Variants in NUP210L observed in about 807,000 individuals in gnomAD.
NUP210L encodes nucleoporin 210 like, also known as nuclear pore membrane glycoprotein 210-like.
A neutral mutation model predicts 208.5 loss-of-function variants in NUP210L; 74 were observed. The observed-to-expected ratio is 0.35, with a 90% CI of 0.29 to 0.43. The LOEUF (loss-of-function observed/expected upper bound fraction) is 0.43, where lower values mean the gene tolerates loss of function less well. Among genes scored for constraint, NUP210L ranks in the 20% least tolerant of loss-of-function variants. NUP210L has a pLI of 1.00. For missense variants in NUP210L, 1,843 were observed against 2,289.4 expected (o/e 0.81, Z 3.98); for synonymous variants, 780 against 816.9 (o/e 0.95, Z 0.77).
At chr1:154,134,985 G>T (rs575164610) in intron 7 of NUP210L, among the ~76,000 whole-genome samples, 6 of 152,022 alleles carry the variant, frequency 3.9e-5, no homozygotes, top group African/African-American at 1.2e-4. Flanking sequence ...TGATCAGCCG[G>T]CCTCGGCCTC....
At chr1:154,103,401 G>T (rs1361988180) in intron 13 of NUP210L, among the ~76,000 whole-genome samples, 3 of 128,142 alleles carry the variant, frequency 2.3e-5, no homozygotes, top group African/African-American at 6.0e-5. Flanking sequence ...GGCCGGGCGC[G>T]GTGGCTCACG....
chr1:154,090,724 T>C (rs1274311025), intron 15 of NUP210L, among the ~76,000 whole-genome samples: 3 of 151,408 alleles, frequency 2.0e-5, no homozygotes, highest in African/African-American at 7.3e-5. Flanking sequence ...GGCAAGAGAA[T>C]CACTTGAACC....
chr1:154,089,525 C>A (rs777495365), exon 16 of NUP210L: 3 of 1,614,138 alleles, frequency 1.9e-6, no homozygotes, highest in Non-Finnish European at 1.7e-6. Flanking sequence ...ATGAAGCGAA[C>A]CTGCAAAACC....
intron 33 of NUP210L, among the ~76,000 whole-genome samples, chr1:154,014,616 CATGT>C (rs1359075283): frequency 6.6e-6 from 1 of 152,110 alleles, no homozygotes; most frequent in African/African-American, 2.4e-5. Flanking sequence ...TTATTTGTGC[CATGT>C]ATGTAATTGT....
At chr1:154,004,716 G>A (rs1272834544) in intron 35 of NUP210L, among the ~76,000 whole-genome samples, 1 of 151,778 alleles carries the variant, frequency 6.6e-6, no homozygotes, top group African/African-American at 2.4e-5. Flanking sequence ...GTGTGATCAC[G>A]GCTCACTGCA....
intron 6 of NUP210L, among the ~76,000 whole-genome samples, chr1:154,137,096 A>G (rs1285436916): frequency 6.6e-6 from 1 of 152,048 alleles, no homozygotes; most frequent in Non-Finnish European, 1.5e-5. Context: ...GTAAAGCTTT[A>G]ATTGTTTTAT....
At chr1:154,010,271 A>C (rs1650831788) in intron 34 of NUP210L, 150 bp from the exon 35 acceptor site, 1 of 638,670 alleles carries the variant, frequency 1.6e-6, no homozygotes, top group Admixed American at 3.1e-5. Flanking sequence ...GCTTCAATCA[A>C]GGTGAAAGAA....
intron 33 of NUP210L, 133 bp downstream of exon 33, chr1:154,018,800 T>G (rs1651402743): frequency 1.0e-6 from 1 of 990,574 alleles, no homozygotes; most frequent in Non-Finnish European, 1.5e-6. Context: ...TGTGTTCCAG[T>G]AAAGTTTGCT....
At chr1:154,010,865 C>A (rs761761554) in intron 34 of NUP210L, among the ~76,000 whole-genome samples, 4 of 151,232 alleles carry the variant, frequency 2.6e-5, no homozygotes, top group Non-Finnish European at 5.9e-5. Flanking sequence ...AGCGAAACTC[C>A]GTCTCAAATA....
rs1553237740 is a variant in NUP210L, at chr1:154,113,167, A to AAAT, written c.1620+4557_1620+4558insATT. Among the ~76,000 whole-genome samples the AAAT allele has an allele frequency of 8.9e-4, 128 of 144,538 alleles. 1 individual carries two copies. The highest frequency in any genetic ancestry group is 6.7e-3 in the South Asian group (31 of 4,630). 94.8% of individuals were successfully genotyped at this position (144,538 alleles called of 152,430 possible). On this transcript the variant is annotated intron_variant, in intron 12 of 39. Coordinates refer to ENST00000368559, the Ensembl canonical transcript of NUP210L. Reference sequence around the variant, plus strand: ...AGAGAAACCCTCTCTTAAAAAAAAAAATATATATATATATATAAAATTTAA... The same window carrying AAAT: ...AGAGAAACCCTCTCTTAAAAAAAAAAAATATATATATATATATATAAAATTTAA...
intron 37 of NUP210L, among the ~76,000 whole-genome samples, chr1:154,000,495 TAAGTAA>T (rs1032040268): frequency 6.6e-6 from 1 of 152,214 alleles, no homozygotes; most frequent in Non-Finnish European, 1.5e-5. Flanking sequence ...GAGCCATTAT[TAAGTAA>T]AATAAGGGTT....
At chr1:154,141,521 T>C (rs1302309052) in exon 4 of NUP210L, 1 of 1,598,224 alleles carries the variant, frequency 6.3e-7, no homozygotes, top group Admixed American at 1.7e-5. Context: ...ACTAAAAGTA[T>C]TTCCTGTAGA....
chr1:154,072,367 C>G (rs576400473), intron 16 of NUP210L, among the ~76,000 whole-genome samples: 8 of 116,386 alleles, frequency 6.9e-5, no homozygotes, highest in African/African-American at 2.3e-4. Context: ...GAGTCTCGCT[C>G]TGTTGCCCAG....
intron 16 of NUP210L, among the ~76,000 whole-genome samples, chr1:154,080,869 G>A (rs185905710): frequency 4.0e-3 from 603 of 151,660 alleles, no homozygotes; most frequent in Middle Eastern, 0.01. Context: ...AGCTACTCAG[G>A]AGGGTGAGAC....
At chr1:154,010,236 AGT>A (rs1359585016) in intron 34 of NUP210L, 115 bp from the exon 35 acceptor site, 2 of 937,288 alleles carry the variant, frequency 2.1e-6, no homozygotes, top group African/African-American at 3.3e-5. Flanking sequence ...AAAGAGGGTC[AGT>A]TATGGCTGGT....
chr1:154,072,354 A>T (rs2148015249), intron 16 of NUP210L, among the ~76,000 whole-genome samples: 1 of 89,740 alleles, frequency 1.1e-5, no homozygotes. Flanking sequence ...TTTTTTTGAG[A>T]CGGAGTCTCG....
chr1:154,126,282 C>T (rs1657971724), intron 10 of NUP210L, 41 bp downstream of exon 10: 1 of 1,572,974 alleles, frequency 6.4e-7, no homozygotes, highest in Non-Finnish European at 8.6e-7. Context: ...CAAGCCTCTT[C>T]AGTGTTCTTA....
At chr1:154,084,258 C>T (rs1177414088) in intron 16 of NUP210L, among the ~76,000 whole-genome samples, 1 of 150,214 alleles carries the variant, frequency 6.7e-6, no homozygotes, top group African/African-American at 2.5e-5. Flanking sequence ...GTTGCCCAAA[C>T]TGGAGTGCAG....
chr1:154,153,482 G>GTATT (rs1170894840), intron 1 of NUP210L, among the ~76,000 whole-genome samples: 2 of 152,088 alleles, frequency 1.3e-5, no homozygotes, highest in Non-Finnish European at 2.9e-5. Context: ...ACTAATTTTT[G>GTATT]TATTTTTAGT....
Sources: gnomAD v4.1 joint callset for allele counts (sites outside exome capture counted in the v4.1 genomes callset) on GRCh38, gnomAD v4.1.1 for gene constraint, MANE v1.5 for transcripts, NCBI Gene and HGNC (gene_info 2026-07-23, HGNC 2026-07-21) for gene names.